Variants in RUNDC3B observed in about 807,000 individuals in gnomAD.
The protein encoded by RUNDC3B is RUN domain containing 3B, also known as RUN domain-containing protein 3B.
RUNDC3B carries 33 observed loss-of-function variants against 58.4 expected under a neutral mutation model. The observed-to-expected ratio is 0.56, with a 90% CI of 0.43 to 0.75. RUNDC3B has a LOEUF of 0.75. Ranked by LOEUF, RUNDC3B falls within the 30% of genes least tolerant of loss-of-function variation. RUNDC3B has a pLI of 0.00. For missense variants in RUNDC3B, 501 were observed against 535.7 expected, an observed-to-expected ratio of 0.94 and a Z score of 0.64; for synonymous variants, 193 against 195.2, an observed-to-expected ratio of 0.99 and a Z score of 0.10.
chr7:87,709,634 C>G (rs1002726662), intron 3 of RUNDC3B: 6 of 447,154 alleles, frequency 1.3e-5, no homozygotes, highest in African/African-American at 1.3e-4. Context: ...CTTTCCTATC[C>G]CATAGTTTGG....
chr7:87,657,737 A>G lies in RUNDC3B; in HGVS notation c.238+6800A>G, dbSNP rs560954522. ...TGTCTTTCACTGTCACCCAGTGGTA[A>G]GGAGGCCACCCCAAGTACCATGCCA... is the stretch of plus-strand genomic sequence containing the variant. On this transcript the variant is annotated intron_variant, in intron 2 of 10. Coordinates refer to ENST00000394654, the MANE Select transcript of RUNDC3B (RefSeq NM_001134405.2). Among the ~76,000 whole-genome samples the G allele has an allele frequency of 2.1e-3, 322 of 152,218 alleles. 1 individual carries two copies. The highest frequency in any genetic ancestry group is 5.2e-3 in the Admixed American group (79 of 15,272).
At chr7:87,752,111 T>C (rs1833042002) in intron 6 of RUNDC3B, among the ~76,000 whole-genome samples, 1 of 152,216 alleles carries the variant, frequency 6.6e-6, no homozygotes, top group African/African-American at 2.4e-5. Context: ...TCAAAGGCCT[T>C]TTCTGCATCT....
chr7:87,795,056 T>C (rs780034605), intron 8 of RUNDC3B, among the ~76,000 whole-genome samples: 2 of 152,140 alleles, frequency 1.3e-5, no homozygotes, highest in Non-Finnish European at 2.9e-5. Context: ...TCTAGGACAT[T>C]GGTCTGGGCA....
chr7:87,745,864 T>C (rs972208893), intron 6 of RUNDC3B, among the ~76,000 whole-genome samples: 2 of 152,200 alleles, frequency 1.3e-5, no homozygotes, highest in African/African-American at 4.8e-5. Flanking sequence ...TTTGTTCTTG[T>C]TTCTCTAGTG....
At chr7:87,782,215 G>A (rs1414755079) in intron 8 of RUNDC3B, among the ~76,000 whole-genome samples, 1 of 151,826 alleles carries the variant, frequency 6.6e-6, no homozygotes, top group East Asian at 1.9e-4. Context: ...GTGTGTTTCC[G>A]GCAACTTATC....
chr7:87,691,235 T>C (rs1397623707), intron 2 of RUNDC3B, among the ~76,000 whole-genome samples: 2 of 152,178 alleles, frequency 1.3e-5, no homozygotes, highest in African/African-American at 4.8e-5. Context: ...ATGAATCAAT[T>C]ATTTGATATT....
At chr7:87,747,543 TC>T (rs888037528) in intron 6 of RUNDC3B, among the ~76,000 whole-genome samples, 4 of 152,008 alleles carry the variant, frequency 2.6e-5, no homozygotes, top group Non-Finnish European at 4.4e-5. Context: ...ACCCTAGAAC[TC>T]CCAAGATTAT....
chr7:87,751,796 C>G (rs1833008299), intron 6 of RUNDC3B, among the ~76,000 whole-genome samples: 1 of 152,108 alleles, frequency 6.6e-6, no homozygotes, highest in Non-Finnish European at 1.5e-5. Flanking sequence ...ATGGGGTTTT[C>G]TAGACATACC....
intron 4 of RUNDC3B, among the ~76,000 whole-genome samples, chr7:87,710,981 A>G (rs2130742173): frequency 6.6e-6 from 1 of 152,298 alleles, no homozygotes; most frequent in South Asian, 2.1e-4. Context: ...TGAAATTTCA[A>G]TAGCATCTTT....
At position 87,679,124 on chromosome 7, in the gene RUNDC3B, G is replaced by A. The variant is rs950575520; in HGVS notation, c.239-21297G>A. On this transcript the variant is annotated intron_variant, in intron 2 of 10. Transcript: ENST00000394654. ...TTTTTTTTTTTTGAGACAGAGTCCC[G>A]CTCTTTCCCCCAGGCTGGAGTGCAG... Among the ~76,000 whole-genome samples, 194 of 97,156 alleles carry A rather than the reference G, an allele frequency of 2.0e-3. 7 individuals carry two copies. The South Asian group carries it at 0.023, about 12-fold the overall frequency. The allele number at this position is 97,156 out of a possible 152,430, so 63.7% of individuals were successfully genotyped here.
intron 1 of RUNDC3B, among the ~76,000 whole-genome samples, chr7:87,649,901 C>A (rs1823406431): frequency 6.6e-6 from 1 of 152,142 alleles, no homozygotes; most frequent in South Asian, 2.1e-4. Context: ...TGCGTGCTGC[C>A]ATGTAAGACA....
intron 3 of RUNDC3B, among the ~76,000 whole-genome samples, chr7:87,703,913 GGTT>G (rs1829343203): frequency 1.9e-4 from 6 of 31,286 alleles, no homozygotes; most frequent in African/African-American, 7.7e-4. Flanking sequence ...TTTTTTTTTT[GGTT>G]TTTTTTTTTT....
intron 2 of RUNDC3B, among the ~76,000 whole-genome samples, chr7:87,668,029 T>G (rs1825440657): frequency 6.6e-6 from 1 of 152,072 alleles, no homozygotes; most frequent in Non-Finnish European, 1.5e-5. Context: ...TCCCTCTTCC[T>G]CATTTTTTTG....
At chr7:87,727,452 T>A (rs903632796) in intron 4 of RUNDC3B, among the ~76,000 whole-genome samples, 12 of 152,164 alleles carry the variant, frequency 7.9e-5, no homozygotes, top group African/African-American at 2.9e-4. Flanking sequence ...TTGTGCTTAT[T>A]TGTATTTCTT....
At chr7:87,765,890 A>G (rs10225368) in intron 6 of RUNDC3B, among the ~76,000 whole-genome samples, 21,957 of 151,664 alleles carry the variant, frequency 0.14, 2,538 homozygotes, top group African/African-American at 0.32. Flanking sequence ...CTATTAGTAG[A>G]GTGTTGAATT....
chr7:87,772,866 AAG>A (rs1834356855), intron 7 of RUNDC3B, among the ~76,000 whole-genome samples: 4 of 152,104 alleles, frequency 2.6e-5, no homozygotes, highest in Admixed American at 6.6e-5. Flanking sequence ...TGCTATTGAT[AAG>A]AGAGACACAT....
intron 8 of RUNDC3B, among the ~76,000 whole-genome samples, chr7:87,801,695 G>A (rs1008574135): frequency 1.3e-5 from 2 of 152,284 alleles, no homozygotes; most frequent in African/African-American, 4.8e-5. Flanking sequence ...CTTGAACCCA[G>A]GAGGCGGAGG....
rs538005813 is a variant in RUNDC3B, at chr7:87,659,091, C to A, written c.238+8154C>A. The A allele has an allele frequency of 2.0e-5, 5 of 255,924 alleles. No individual in the cohort carries two copies. In the East Asian group the frequency reaches 5.3e-4, roughly 27 times the overall value. 15.9% of individuals were successfully genotyped at this position (255,924 alleles called of 1,614,324 possible). On this transcript the variant is annotated intron_variant, in intron 2 of 10. Coordinates refer to ENST00000394654, the MANE Select transcript of RUNDC3B (RefSeq NM_001134405.2). Reference sequence around the variant, plus strand: ...ATCACTTAAGCCCAGGAAGTTGAGGCTGCAGTGAGCTGTGATCGTGCCATC... The same window carrying A: ...ATCACTTAAGCCCAGGAAGTTGAGGATGCAGTGAGCTGTGATCGTGCCATC...
chr7:87,700,121 A>C (rs941095481), intron 2 of RUNDC3B, among the ~76,000 whole-genome samples: 40 of 152,152 alleles, frequency 2.6e-4, no homozygotes, highest in African/African-American at 9.7e-4. Context: ...GTATTAGACA[A>C]ATAGGATGTT....
Sources: gnomAD v4.1 joint callset for allele counts (sites outside exome capture counted in the v4.1 genomes callset) on GRCh38, gnomAD v4.1.1 for gene constraint, MANE v1.5 for transcripts, NCBI Gene and HGNC (gene_info 2026-07-23, HGNC 2026-07-21) for gene names.